TBC1D15: variants seen among roughly 807,000 people sequenced by gnomAD.
TBC1D15 encodes TBC1 domain family member 15, also known as GAP for RAB7.
TBC1D15 carries 39 observed loss-of-function variants against 95.4 expected under a neutral mutation model. That is an observed-to-expected ratio of 0.41 (90% CI 0.32 to 0.53). The LOEUF is 0.53. TBC1D15 is among the 20% of genes least tolerant of loss of function. TBC1D15 has a pLI of 0.29. For missense variants in TBC1D15, 733 were observed against 794.3 expected, an observed-to-expected ratio of 0.92 and a Z score of 0.93; for synonymous variants, 258 against 261.3, an observed-to-expected ratio of 0.99 and a Z score of 0.12.
At chr12:71,854,900 A>G (rs948442341) in intron 1 of TBC1D15, 8 of 455,436 alleles carry the variant, frequency 1.8e-5, no homozygotes, top group Admixed American at 7.1e-5. Context: ...CCATCAGACA[A>G]AATTCCTTCA....
chr12:71,894,838 A>C lies in TBC1D15; in HGVS notation c.810A>C (p.Leu270=). 1.2e-6 allele frequency: 2 copies of C among 1,613,124 alleles called. No individual in the cohort carries two copies. The highest frequency in any genetic ancestry group is 1.7e-6 in the Non-Finnish European group (2 of 1,179,260). The change falls in exon 7 of 17, where the codon CTA becomes CTC. Residue 270 remains leucine, a synonymous_variant. Coordinates refer to ENST00000485960, the MANE Select transcript of TBC1D15 (RefSeq NM_001146213.3). ...TTCTTAGTGATGCTATTCCAGGTCT[A>C]AAGATAAATCAACAAGAAGAACCAG... The part of the protein sequence containing the change: ...ADFLSDAIPG[L]KINQQEEPGF...
chr12:71,896,423 TCA>T, intron 8 of TBC1D15: 1 of 460,448 alleles, frequency 2.2e-6, no homozygotes, highest in East Asian at 3.5e-5. Context: ...GACTCACCAG[TCA>T]CACTGTCTGT....
chr12:71,894,261 C>T lies in TBC1D15; in HGVS notation c.658-425C>T. 2.2e-6 allele frequency: 3 copies of T among 1,370,152 alleles called. No homozygotes were observed. The East Asian group carries it at 6.9e-5, about 32-fold the overall frequency. The allele number at this position is 1,370,152 out of a possible 1,614,324, so 84.9% of individuals were successfully genotyped here. A position where few individuals can be genotyped will look rare whatever the true frequency, so the allele number is the denominator to read the frequency against. ...AATATGAGTTTTTAAATTTAGCCAT[C>T]AAATATTTTGTGTCAGAATAGCATG... On this transcript the variant is annotated intron_variant, in intron 6 of 16. Transcript: ENST00000485960.
In TBC1D15 at chr12:71,924,294, AAAAT is replaced by A. The variant is rs1485344498; in HGVS notation, c.*1095_*1098del. On this transcript the variant is annotated 3_prime_UTR_variant, in exon 17 of 17. Transcript: ENST00000485960. ...GTTGTTAACTCCTGTATATATCATT[AAAAT>A]AAATCTGAAGTTGAAGTAGTGTTTT... The A allele has an allele frequency of 6.6e-6, 1 of 152,640 alleles. No homozygotes were observed. The highest frequency in any genetic ancestry group is 1.5e-5 in the Non-Finnish European group (1 of 68,032). The allele number at this position is 152,640 out of a possible 1,614,324, so 9.5% of individuals were successfully genotyped here. A position where few individuals can be genotyped will look rare whatever the true frequency, so the allele number is the denominator to read the frequency against.
intron 6 of TBC1D15, among the ~76,000 whole-genome samples, chr12:71,893,997 A>C (rs907087407): frequency 1.3e-5 from 2 of 152,016 alleles, no homozygotes; most frequent in African/African-American, 4.8e-5. Context: ...AGAACTAAAC[A>C]CTGTTTAAAA....
chr12:71,913,606 T>C (rs1902959255), intron 11 of TBC1D15: 1 of 430,258 alleles, frequency 2.3e-6, no homozygotes, highest in Non-Finnish European at 4.1e-6. Flanking sequence ...AAGCTATATA[T>C]TGTTTGACAT....
rs576353867 is a variant in TBC1D15, at chr12:71,902,661, G to C, written c.1184-4361G>C. On this transcript the variant is annotated intron_variant, in intron 10 of 16. Coordinates refer to ENST00000485960, the MANE Select transcript of TBC1D15 (RefSeq NM_001146213.3). ...TCTAGGAAATACCATTGAGGATATC[G>C]ACCCAGGCAAAGACTTCATGAAGAA... 1.3e-4 allele frequency among the ~76,000 whole-genome samples: 20 copies of C among 152,114 alleles called. No homozygotes were observed. The South Asian group carries it at 1.7e-3, about 13-fold the overall frequency.
chr12:71,861,428 A>G (rs1366635335), intron 1 of TBC1D15: 9 of 1,495,396 alleles, frequency 6.0e-6, no homozygotes, highest in African/African-American at 4.3e-5. Flanking sequence ...TCTTGATTCA[A>G]TCTTGATAAG....
chr12:71,909,922 C>G (rs1400612448), intron 11 of TBC1D15, among the ~76,000 whole-genome samples: 1 of 151,970 alleles, frequency 6.6e-6, no homozygotes, highest in Admixed American at 6.6e-5. Flanking sequence ...TAATTCCACC[C>G]CCTACAACCC....
rs1898081716 is a variant in TBC1D15 at position 71,896,022 on chromosome 12, T to A, written c.931T>A (p.Ser311Thr). ...GGAAGAATGGACTAAGAACATTGAT[T>A]CTGAAGGAAGAATTTTAAATGTAGA... ...SLEEWTKNIDSEGRILNVDNM... is the reference protein window; with the variant it reads ...SLEEWTKNIDTEGRILNVDNM... Residue 311 changes from serine to threonine, a missense_variant, in exon 8 of 17, where the codon TCT becomes ACT. Physicochemically the swap from Ser to Thr is moderately conservative, Grantham distance 58. Transcript: ENST00000485960. 1 of 1,612,460 alleles carries A rather than the reference T, an allele frequency of 6.2e-7. No homozygotes were observed. Among genetic ancestry groups the A allele is most frequent in the Non-Finnish European group, 8.5e-7 (1 of 1,178,896 alleles).
At chr12:71,897,032 TAC>T (rs980029866) in intron 9 of TBC1D15, among the ~76,000 whole-genome samples, 2 of 152,164 alleles carry the variant, frequency 1.3e-5, no homozygotes, top group African/African-American at 4.8e-5. Flanking sequence ...ATAAGCCTTG[TAC>T]AAGCCTTTTG....
intron 3 of TBC1D15, among the ~76,000 whole-genome samples, chr12:71,876,042 C>G (rs1170989576): frequency 6.6e-6 from 1 of 152,168 alleles, no homozygotes; most frequent in East Asian, 1.9e-4. Context: ...ATCTGCCTGC[C>G]TTGGCCTCCC....
chr12:71,922,116 G>C, intron 16 of TBC1D15, among the ~76,000 whole-genome samples: 1 of 151,944 alleles, frequency 6.6e-6, no homozygotes, highest in Non-Finnish European at 1.5e-5. Flanking sequence ...ACAGAGTCTT[G>C]TTCTGTTGTC....
intron 13 of TBC1D15, 43 bp from the exon 14 acceptor site, chr12:71,918,408 A>G: frequency 1.6e-6 from 2 of 1,216,042 alleles, no homozygotes; most frequent in South Asian, 2.8e-5. Flanking sequence ...TGACATAATT[A>G]GCATAAGAGT....
intron 1 of TBC1D15, among the ~76,000 whole-genome samples, chr12:71,840,421 C>T (rs1884674475): frequency 1.3e-5 from 2 of 152,124 alleles, no homozygotes; most frequent in South Asian, 4.1e-4. Context: ...AGGAAGGCGT[C>T]CAAATATTTA....
At chr12:71,847,846 C>G (rs1285778646) in intron 1 of TBC1D15, among the ~76,000 whole-genome samples, 1 of 152,100 alleles carries the variant, frequency 6.6e-6, no homozygotes, top group African/African-American at 2.4e-5. Context: ...ACCTGTAATC[C>G]CAGCACTTTG....
chr12:71,888,468 T>TAAA (rs201406866), intron 5 of TBC1D15, among the ~76,000 whole-genome samples: 5 of 123,462 alleles, frequency 4.0e-5, no homozygotes, highest in African/African-American at 1.2e-4. Context: ...AGACTTTACC[T>TAAA]AAAAAAAAAA....
At chr12:71,911,260 A>G (rs997534922) in intron 11 of TBC1D15, among the ~76,000 whole-genome samples, 1 of 152,178 alleles carries the variant, frequency 6.6e-6, no homozygotes, top group Non-Finnish European at 1.5e-5. Context: ...TGACCCAGCC[A>G]TCCCATTACT....
At chr12:71,848,091 C>G (rs185315511) in intron 1 of TBC1D15, among the ~76,000 whole-genome samples, 2 of 152,308 alleles carry the variant, frequency 1.3e-5, no homozygotes, top group Non-Finnish European at 2.9e-5. Flanking sequence ...GAGCGAAACT[C>G]TGTCTCGAAA....
Sources: allele counts gnomAD v4.1 joint callset (sites outside exome capture counted in the v4.1 genomes callset), GRCh38; gene constraint gnomAD v4.1.1; transcripts MANE v1.5; gene names NCBI Gene and HGNC (gene_info 2026-07-23, HGNC 2026-07-21).